SDK1: variants seen among roughly 807,000 people sequenced by gnomAD.
SDK1 encodes the protein protein sidekick-1.
In SDK1, 157 loss-of-function variants were observed where a neutral mutation model predicts 245.5. The observed-to-expected ratio is 0.64, with a 90% CI of 0.56 to 0.73. The LOEUF (loss-of-function observed/expected upper bound fraction) is 0.73. Ranked by LOEUF, SDK1 falls within the 30% of genes least tolerant of loss-of-function variation. The pLI, the probability that SDK1 is intolerant of heterozygous loss-of-function variation, is 0.00. For missense variants in SDK1, 3,583 were observed against 3,002.3 expected (o/e 1.19, Z -4.52); for synonymous variants, 1,647 against 1,278.5 (o/e 1.29, Z -6.15).
At chr7:4,010,900 A>G in intron 14 of SDK1, 66 bp from the exon 15 acceptor site, 2 of 1,531,928 alleles carry the variant, frequency 1.3e-6, no homozygotes, top group Non-Finnish European at 1.8e-6. Context: ...AAGCCTTTGC[A>G]TTCACCTCTT....
intron 35 of SDK1, among the ~76,000 whole-genome samples, chr7:4,179,506 G>A (rs547417779): frequency 6.6e-6 from 1 of 152,240 alleles, no homozygotes; most frequent in East Asian, 1.9e-4. Context: ...TAGCACCAAG[G>A]GTCAAGCCCA....
chr7:3,975,911 GGGTCCTCCAGAGAATCACTGAGGGTCC>G (rs1782903594), intron 13 of SDK1, among the ~76,000 whole-genome samples: 21 of 147,800 alleles, frequency 1.4e-4, no homozygotes, highest in African/African-American at 4.8e-4. Flanking sequence ...GCCACGTAGA[GGGTCCTCCAGAGAATCACTGAGGGTCC>G]CGGGGCTGAG....
intron 19 of SDK1, among the ~76,000 whole-genome samples, chr7:4,065,591 T>G (rs1039896109): frequency 2.2e-4 from 33 of 151,886 alleles, no homozygotes; most frequent in South Asian, 8.4e-4. Flanking sequence ...TTGACAGCCA[T>G]TCTATTTTAC....
chr7:4,224,665 C>T (rs939857241), intron 40 of SDK1, among the ~76,000 whole-genome samples: 1 of 152,036 alleles, frequency 6.6e-6, no homozygotes, highest in African/African-American at 2.4e-5. Flanking sequence ...GAGAAAGTGT[C>T]CTTGAGCCAA....
chr7:3,450,439 A>G (rs1780476779), intron 1 of SDK1, among the ~76,000 whole-genome samples: 1 of 152,180 alleles, frequency 6.6e-6, no homozygotes, highest in Admixed American at 6.5e-5. Flanking sequence ...GGCAGATAAT[A>G]AAGTGGGATG....
intron 4 of SDK1, chr7:3,642,976 G>C (rs574100626): frequency 6.6e-6 from 1 of 152,362 alleles, no homozygotes; most frequent in East Asian, 1.9e-4. Flanking sequence ...ATATGTGTGA[G>C]GTCATTTGCC....
intron 14 of SDK1, among the ~76,000 whole-genome samples, chr7:3,989,515 G>A (rs555077282): frequency 6.6e-6 from 1 of 152,298 alleles, no homozygotes; most frequent in Non-Finnish European, 1.5e-5. Context: ...CCAGATGCAG[G>A]TATCCTGGCT....
rs1376566336 is a variant in SDK1 at position 3,992,332 on chromosome 7, C to G, written c.2131+5010C>G. On this transcript the variant is annotated intron_variant, in intron 14 of 44. Transcript: ENST00000404826. Reference sequence around the variant, plus strand: ...TACACGTGGCCCTCTGCAGGCATGCCAGGGTTTGCCTCTCTGAGAAGTTTG... The same window carrying G: ...TACACGTGGCCCTCTGCAGGCATGCGAGGGTTTGCCTCTCTGAGAAGTTTG... Among the ~76,000 whole-genome samples, 3 of 152,210 alleles carry G rather than the reference C, an allele frequency of 2.0e-5. 1 individual carries two copies. The highest frequency in any genetic ancestry group is 7.2e-5 in the African/African-American group (3 of 41,454).
rs1040508485 is a variant in SDK1, at chr7:4,229,028, G to T, written c.5828-4227G>T. Among the ~76,000 whole-genome samples, 46 of 152,304 alleles carry T rather than the reference G, an allele frequency of 3.0e-4. 1 individual carries two copies. The highest frequency in any genetic ancestry group is 1.1e-3 in the African/African-American group (44 of 41,560). On this transcript the variant is annotated intron_variant, in intron 40 of 44. Coordinates refer to ENST00000404826, the MANE Select transcript of SDK1 (RefSeq NM_152744.4). The stretch of plus-strand genomic sequence containing the variant: ...AGTGTTGACTGAGATGGAAATCCAG[G>T]CACTGGGGACTGTCCAGAACATGGA...
At chr7:3,460,031 A>G (rs537161299) in intron 1 of SDK1, among the ~76,000 whole-genome samples, 3 of 152,194 alleles carry the variant, frequency 2.0e-5, no homozygotes, top group Non-Finnish European at 4.4e-5. Flanking sequence ...TGATTTGGGG[A>G]TAAGTATTTA....
At chr7:3,867,452 G>T (rs1780848678) in intron 5 of SDK1, among the ~76,000 whole-genome samples, 2 of 152,220 alleles carry the variant, frequency 1.3e-5, no homozygotes, top group African/African-American at 4.8e-5. Flanking sequence ...AGAAAAAGAG[G>T]TTTAATGGAC....
At chr7:4,151,570 G>A (rs941789651) in intron 30 of SDK1, among the ~76,000 whole-genome samples, 2 of 152,142 alleles carry the variant, frequency 1.3e-5, no homozygotes, top group Non-Finnish European at 2.9e-5. Context: ...GTTTTCCCTG[G>A]TGATCTAGTC....
intron 1 of SDK1, among the ~76,000 whole-genome samples, chr7:3,443,750 A>T (rs1780263198): frequency 6.6e-6 from 1 of 152,122 alleles, no homozygotes; most frequent in African/African-American, 2.4e-5. Context: ...ATCTGTTTTT[A>T]TTTGGTGGTC....
chr7:3,671,673 C>T (rs1274083931), intron 4 of SDK1, among the ~76,000 whole-genome samples: 1 of 152,144 alleles, frequency 6.6e-6, no homozygotes, highest in East Asian at 1.9e-4. Context: ...ACTAATCAAA[C>T]ACTTTTCATT....
intron 2 of SDK1, 141 bp downstream of exon 2, chr7:3,619,380 T>C: frequency 4.5e-6 from 3 of 661,668 alleles, no homozygotes; most frequent in South Asian, 2.5e-5. Context: ...TAGATTTGAA[T>C]ATGTAATTAG....
intron 1 of SDK1, among the ~76,000 whole-genome samples, chr7:3,394,409 G>C (rs1356760794): frequency 6.6e-6 from 1 of 151,964 alleles, no homozygotes; most frequent in Non-Finnish European, 1.5e-5. Flanking sequence ...ATTTTTATTA[G>C]TACTATAATG....
At position 4,233,430 on chromosome 7, in the gene SDK1, C is replaced by G; in HGVS notation, c.5992+11C>G. The stretch of plus-strand genomic sequence containing the variant: ...CCACGGCTGTGTCAGGTAGGCCCTC[C>G]CAGGGAGGTCTGTCTTCTTCTGGAG... On this transcript the variant is annotated intron_variant, in intron 41 of 44. Transcript: ENST00000404826. 6.2e-7 allele frequency: 1 copy of G among 1,608,804 alleles called. No homozygotes were observed. The highest frequency in any genetic ancestry group is 8.5e-7 in the Non-Finnish European group (1 of 1,178,862).
At chr7:3,434,573 C>T (rs1350245167) in intron 1 of SDK1, among the ~76,000 whole-genome samples, 1 of 152,184 alleles carries the variant, frequency 6.6e-6, no homozygotes, top group Non-Finnish European at 1.5e-5. Flanking sequence ...GTAGATGGGA[C>T]ATCTCTGGCT....
chr7:4,257,353 G>A lies in SDK1; in HGVS notation c.6382-7771G>A, dbSNP rs139040206. Among the ~76,000 whole-genome samples, 73 of 152,320 alleles carry A rather than the reference G, an allele frequency of 4.8e-4. No homozygotes were observed. The East Asian group carries it at 0.013, about 26-fold the overall frequency. On this transcript the variant is annotated intron_variant, in intron 44 of 44. Coordinates refer to ENST00000404826, the MANE Select transcript of SDK1 (RefSeq NM_152744.4). ...TCCTTCTACAGTTTCCCGGGAAACC[G>A]ACACACGTTGCTACTTCACATCACA... is the stretch of plus-strand genomic sequence containing the variant.
Sources: allele counts gnomAD v4.1 joint callset (sites outside exome capture counted in the v4.1 genomes callset), GRCh38; gene constraint gnomAD v4.1.1; transcripts MANE v1.5; gene names NCBI Gene and HGNC (gene_info 2026-07-23, HGNC 2026-07-21).